Variants in PTPRD observed in about 807,000 individuals in gnomAD.
The protein encoded by PTPRD is receptor-type tyrosine-protein phosphatase delta.
Under a neutral mutation model 214.5 loss-of-function variants are expected in PTPRD, and 34 were observed. The ratio of observed to expected loss-of-function variants is 0.16; its 90% confidence interval spans 0.12 to 0.21. PTPRD has a LOEUF of 0.21. PTPRD is among the 10% of genes least tolerant of loss of function. The pLI is 1.00. For synonymous variants in PTPRD, 1,128 were observed against 845.7 expected, an observed-to-expected ratio of 1.33 and a Z score of -5.79; for missense variants, 2,545 against 2,398.7, an observed-to-expected ratio of 1.06 and a Z score of -1.27.
chr9:8,428,617 G>A (rs2031215), intron 35 of PTPRD, among the ~76,000 whole-genome samples: 65,196 of 151,872 alleles, frequency 0.43, 14,508 homozygotes, highest in East Asian at 0.62. Context: ...CTTCAAGAAA[G>A]TGGGGGAACC....
At chr9:8,601,303 C>G (rs576951717) in intron 14 of PTPRD, among the ~76,000 whole-genome samples, 1 of 152,222 alleles carries the variant, frequency 6.6e-6, no homozygotes, top group South Asian at 2.1e-4. Context: ...GAATCTGCCA[C>G]AAGCCTGGCA....
chr9:8,352,655 T>C (rs149970357), intron 39 of PTPRD, among the ~76,000 whole-genome samples: 2 of 152,310 alleles, frequency 1.3e-5, no homozygotes, highest in East Asian at 3.9e-4. Context: ...TTACTCCTGA[T>C]TCAGGTTAAG....
intron 10 of PTPRD, among the ~76,000 whole-genome samples, chr9:9,072,093 A>T (rs1275021258): frequency 6.6e-6 from 1 of 152,144 alleles, no homozygotes; most frequent in Non-Finnish European, 1.5e-5. Context: ...GGATAATTTT[A>T]AAAAATGTTT....
intron 9 of PTPRD, among the ~76,000 whole-genome samples, chr9:9,395,553 A>G (rs2067481448): frequency 1.3e-5 from 2 of 152,096 alleles, no homozygotes; most frequent in African/African-American, 2.4e-5. Flanking sequence ...TCAAGCACCT[A>G]CAAGACTCTG....
intron 10 of PTPRD, among the ~76,000 whole-genome samples, chr9:9,037,698 A>C (rs1040822329): frequency 1.2e-4 from 19 of 152,294 alleles, no homozygotes; most frequent in African/African-American, 4.6e-4. Flanking sequence ...TGGTACAGAA[A>C]GGTGTCCAGC....
chr9:9,176,111 A>C (rs572107022), intron 10 of PTPRD, among the ~76,000 whole-genome samples: 1 of 152,284 alleles, frequency 6.6e-6, no homozygotes, highest in Admixed American at 6.5e-5. Flanking sequence ...TCCACAGCCT[A>C]TAAGTAGAAA....
intron 7 of PTPRD, among the ~76,000 whole-genome samples, chr9:9,680,107 G>T (rs979324039): frequency 2.6e-5 from 4 of 151,740 alleles, no homozygotes; most frequent in Admixed American, 6.6e-5. Flanking sequence ...ACTTACTCTT[G>T]ACAGTTATAT....
chr9:9,272,916 G>A (rs1304172875), intron 9 of PTPRD, among the ~76,000 whole-genome samples: 1 of 151,256 alleles, frequency 6.6e-6, no homozygotes, highest in Admixed American at 6.6e-5. Context: ...GCACATACAA[G>A]CTTGAGGTAA....
chr9:9,028,885 G>A (rs2099595719), intron 10 of PTPRD, among the ~76,000 whole-genome samples: 1 of 151,668 alleles, frequency 6.6e-6, no homozygotes, highest in African/African-American at 2.4e-5. Context: ...AATTACGATC[G>A]AAGGAGAACA....
At chr9:8,570,399 T>C (rs1234093324) in intron 14 of PTPRD, among the ~76,000 whole-genome samples, 2 of 152,090 alleles carry the variant, frequency 1.3e-5, no homozygotes, top group African/African-American at 4.8e-5. Context: ...AACAATTTAA[T>C]AAAGATTAAG....
chr9:9,080,410 G>T (rs567949280), intron 10 of PTPRD, among the ~76,000 whole-genome samples: 1 of 152,078 alleles, frequency 6.6e-6, no homozygotes, highest in Admixed American at 6.6e-5. Context: ...AATAAAAGTC[G>T]CTTGCTACTA....
chr9:9,481,624 G>A (rs184812142), intron 8 of PTPRD, among the ~76,000 whole-genome samples: 79 of 151,648 alleles, frequency 5.2e-4, no homozygotes, highest in African/African-American at 1.6e-3. Context: ...TTAAAACAAC[G>A]CAATTGTAAA....
At chr9:9,932,146 T>G (rs2086907504) in intron 5 of PTPRD, among the ~76,000 whole-genome samples, 1 of 148,180 alleles carries the variant, frequency 6.7e-6, no homozygotes, top group South Asian at 2.1e-4. Context: ...ACAGAAAAAC[T>G]GGAAACTCTA....
chr9:10,563,522 T>C (rs2064639678), intron 2 of PTPRD, among the ~76,000 whole-genome samples: 1 of 152,196 alleles, frequency 6.6e-6, no homozygotes, highest in African/African-American at 2.4e-5. Flanking sequence ...TACCTGACTT[T>C]CCAACTTTTA....
At chr9:9,137,925 C>T (rs1490146983) in intron 10 of PTPRD, among the ~76,000 whole-genome samples, 1 of 152,068 alleles carries the variant, frequency 6.6e-6, no homozygotes, top group African/African-American at 2.4e-5. Context: ...AATATTTTGA[C>T]TTTCCCCAAA....
chr9:9,411,587 C>A (rs1016019144), intron 8 of PTPRD, among the ~76,000 whole-genome samples: 5 of 152,154 alleles, frequency 3.3e-5, no homozygotes, highest in African/African-American at 9.7e-5. Flanking sequence ...CTTTTGCTAA[C>A]GTTTCCGAAA....
At chr9:10,177,789 A>G (rs957404109) in intron 3 of PTPRD, among the ~76,000 whole-genome samples, 1 of 151,912 alleles carries the variant, frequency 6.6e-6, no homozygotes, top group Non-Finnish European at 1.5e-5. Context: ...GAGGGGTCAT[A>G]TTTAAATACT....
At position 9,857,779 on chromosome 9, in the gene PTPRD, T is replaced by G. The variant is rs200512153; in HGVS notation, c.-368+80728A>C. 6.2e-4 allele frequency among the ~76,000 whole-genome samples: 95 copies of G among 152,328 alleles called. 1 individual carries two copies. The East Asian group carries it at 9.4e-3, about 15-fold the overall frequency. ...ACTCCTCACGGACCACACAGATATTTATTAAGAAGCTAATATGGCTGTGCT... is the reference window on the plus strand; with the variant it reads ...ACTCCTCACGGACCACACAGATATTGATTAAGAAGCTAATATGGCTGTGCT... On this transcript the variant is annotated intron_variant, in intron 5 of 45. Transcript: ENST00000381196.
chr9:8,676,378 ATTTT>A (rs559455727), intron 12 of PTPRD, among the ~76,000 whole-genome samples: 2 of 111,632 alleles, frequency 1.8e-5, no homozygotes, highest in African/African-American at 3.4e-5. Flanking sequence ...GCTCATTTTC[ATTTT>A]TTTTTTTTTT....
Sources: gnomAD v4.1 joint callset for allele counts (sites outside exome capture counted in the v4.1 genomes callset) on GRCh38, gnomAD v4.1.1 for gene constraint, MANE v1.5 for transcripts, NCBI Gene and HGNC (gene_info 2026-07-23, HGNC 2026-07-21) for gene names.